Variants in LHFPL2 observed in about 807,000 individuals in gnomAD.
LHFPL2 encodes LHFPL tetraspan subfamily member 2, also known as LHFPL tetraspan subfamily member 2 protein.
Under a neutral mutation model 17.5 loss-of-function variants are expected in LHFPL2, and 7 were observed. The ratio of observed to expected loss-of-function variants is 0.40; its 90% CI spans 0.23 to 0.75. LHFPL2 has a LOEUF of 0.75. LHFPL2 is among the 30% of genes least tolerant of loss of function. The pLI, the probability that LHFPL2 is intolerant of heterozygous loss-of-function variation, is 0.37. For missense variants in LHFPL2, 241 were observed against 294.8 expected, an observed-to-expected ratio of 0.82 and a Z score of 1.34; for synonymous variants, 134 against 116.2, an observed-to-expected ratio of 1.15 and a Z score of -0.99.
chr5:78,637,977 C>T (rs1210333669), intron 1 of LHFPL2, among the ~76,000 whole-genome samples: 2 of 152,156 alleles, frequency 1.3e-5, no homozygotes, highest in East Asian at 3.9e-4. Flanking sequence ...CTTGTCAGTG[C>T]TGGTTTGTCT....
rs117998539 is a variant in LHFPL2, at chr5:78,523,656, T to C, written c.-185-13258A>G. Among the ~76,000 whole-genome samples the C allele has an allele frequency of 1.6e-3, 242 of 152,282 alleles. 2 individuals are homozygous for C. Among genetic ancestry groups the C allele is most frequent in the Middle Eastern group, 6.8e-3 (2 of 294 alleles). ...GGCCCACAGGGGCCAGTGGACGTCA[T>C]TGACAGTCACAGCCTGAGAAACAAA... is the stretch of plus-strand genomic sequence containing the variant. On this transcript the variant is annotated intron_variant, in intron 3 of 4. Transcript: ENST00000380345.
intron 2 of LHFPL2, among the ~76,000 whole-genome samples, chr5:78,582,540 T>A (rs1274620421): frequency 6.6e-6 from 1 of 151,748 alleles, no homozygotes; most frequent in Non-Finnish European, 1.5e-5. Flanking sequence ...CATTTCGTTA[T>A]GTACCCAGTA....
At position 78,550,760 on chromosome 5, in the gene LHFPL2, G is replaced by A. The variant is rs868788274; in HGVS notation, c.-186+14053C>T. 5.3e-5 allele frequency among the ~76,000 whole-genome samples: 8 copies of A among 152,088 alleles called. 1 individual carries two copies. The South Asian group carries it at 1.2e-3, about 24-fold the overall frequency. On this transcript the variant is annotated intron_variant, in intron 3 of 4. Coordinates refer to ENST00000380345, the MANE Select transcript of LHFPL2 (RefSeq NM_005779.3). Reference sequence around the variant, plus strand: ...TAATTTTTGTATTTTTGGTAGACACGAGGTTTTGCCATGTTGGCCAGGCTG... The same window carrying A: ...TAATTTTTGTATTTTTGGTAGACACAAGGTTTTGCCATGTTGGCCAGGCTG...
rs1757119638 is a variant in LHFPL2, at chr5:78,575,926, C to T, written c.-244-11055G>A. 2.6e-5 allele frequency among the ~76,000 whole-genome samples: 4 copies of T among 152,320 alleles called. No individual in the cohort carries two copies. The South Asian group carries it at 6.2e-4, about 24-fold the overall frequency. Reference sequence around the variant, plus strand: ...CTTTCTTTTTGGAGACAGGGTCTTGCTCTGTCACCTATGCTGGAGCGCAGT... The same window carrying T: ...CTTTCTTTTTGGAGACAGGGTCTTGTTCTGTCACCTATGCTGGAGCGCAGT... On this transcript the variant is annotated intron_variant, in intron 2 of 4. Coordinates refer to ENST00000380345, the MANE Select transcript of LHFPL2 (RefSeq NM_005779.3).
chr5:78,644,043 CAG>C (rs1280727312), intron 1 of LHFPL2, among the ~76,000 whole-genome samples: 1 of 152,158 alleles, frequency 6.6e-6, no homozygotes, highest in Non-Finnish European at 1.5e-5. Context: ...GCCTGGGTGA[CAG>C]AGAGAGACTT....
chr5:78,598,714 A>G (rs2112469926), intron 2 of LHFPL2, among the ~76,000 whole-genome samples: 1 of 152,308 alleles, frequency 6.6e-6, no homozygotes, highest in African/African-American at 2.4e-5. Context: ...CCAACAAAAT[A>G]GATCTCATGT....
At chr5:78,520,625 G>A (rs1480094316) in intron 3 of LHFPL2, among the ~76,000 whole-genome samples, 1 of 152,238 alleles carries the variant, frequency 6.6e-6, no homozygotes, top group Non-Finnish European at 1.5e-5. Flanking sequence ...GGCTGATGGA[G>A]AGCTGAGCAG....
chr5:78,620,512 C>T (rs549763320), intron 2 of LHFPL2, among the ~76,000 whole-genome samples: 1 of 152,274 alleles, frequency 6.6e-6, no homozygotes, highest in African/African-American at 2.4e-5. Flanking sequence ...AAAGCACCTC[C>T]CATCAGTCTC....
intron 3 of LHFPL2, among the ~76,000 whole-genome samples, chr5:78,522,525 CTTGT>C (rs1275826576): frequency 2.0e-5 from 3 of 152,206 alleles, no homozygotes; most frequent in Non-Finnish European, 4.4e-5. Flanking sequence ...TTTGCTGACA[CTTGT>C]TTATCACTGT....
intron 2 of LHFPL2, among the ~76,000 whole-genome samples, chr5:78,577,016 CTCTG>C (rs2112435171): frequency 3.3e-5 from 5 of 152,320 alleles, no homozygotes; most frequent in African/African-American, 1.2e-4. Context: ...GTCCAGTCAG[CTCTG>C]TCTATGCCAA....
At chr5:78,529,974 A>C (rs1301435031) in intron 3 of LHFPL2, among the ~76,000 whole-genome samples, 1 of 152,226 alleles carries the variant, frequency 6.6e-6, no homozygotes, top group Non-Finnish European at 1.5e-5. Context: ...ATCTACCTGC[A>C]AGACCAAATT....
chr5:78,508,665 G>A (rs1257041190), intron 4 of LHFPL2, among the ~76,000 whole-genome samples: 3 of 152,216 alleles, frequency 2.0e-5, no homozygotes, highest in African/African-American at 7.2e-5. Flanking sequence ...TTTGGGGGCT[G>A]CTGCTTTACA....
In LHFPL2 at chr5:78,489,018, A is replaced by G. The variant is rs777608124; in HGVS notation, c.566T>C (p.Ile189Thr). 1.9e-5 allele frequency: 31 copies of G among 1,614,102 alleles called. No individual in the cohort carries two copies. Among genetic ancestry groups the G allele is most frequent in the South Asian group, 3.3e-5 (3 of 91,090 alleles). The stretch of plus-strand genomic sequence containing the variant: ...GATGAAAGTGAGGACTGTGCCCCCA[A>G]TGGCGGTATAAAAGGCCCAGCCCAA... ...CSLGWAFYTA[I>T]GGTVLTFICA... Residue 189 changes from isoleucine (I) to threonine (T), a missense_variant, in exon 5 of 5, where the codon ATT becomes ACT. Ile to Thr is a moderately conservative substitution (Grantham distance 89, BLOSUM62 -1). Transcript: ENST00000380345.
rs189329376 is a variant in LHFPL2, at chr5:78,635,588, G to T, written c.-349-3220C>A. Among the ~76,000 whole-genome samples, 531 of 152,332 alleles carry T rather than the reference G, an allele frequency of 3.5e-3. 1 individual carries two copies. The highest frequency in any genetic ancestry group is 0.014 in the Middle Eastern group (4 of 294). ...GAGGCCCAGGCGGGCGGACCACGAG[G>T]TCAGGAGATCGAGACCATCCTGGCT... On this transcript the variant is annotated intron_variant, in intron 1 of 4. Transcript: ENST00000380345.
chr5:78,485,974 G>GAAAC lies in LHFPL2; in HGVS notation c.*2919_*2922dup, dbSNP rs900043518. 2.0e-5 allele frequency: 3 copies of GAAAC among 152,500 alleles called. No homozygotes were observed. The highest frequency in any genetic ancestry group is 2.9e-5 in the Non-Finnish European group (2 of 67,988). The allele number at this position is 152,500 out of a possible 1,614,324, so 9.4% of individuals were successfully genotyped here. A position where few individuals can be genotyped will look rare whatever the true frequency, so the allele number is the denominator to read the frequency against. On this transcript the variant is annotated 3_prime_UTR_variant, in exon 5 of 5. Coordinates refer to ENST00000380345, the MANE Select transcript of LHFPL2 (RefSeq NM_005779.3). ...ATGTGGAACTCTCCTTGCCAAAACAGAAACAAACATCCCTGTTTTGACTCC... is the reference window on the plus strand; with the variant it reads ...ATGTGGAACTCTCCTTGCCAAAACAGAAACAAACAAACATCCCTGTTTTGACTCC...
At chr5:78,574,993 A>C (rs1468335216) in intron 2 of LHFPL2, among the ~76,000 whole-genome samples, 1 of 152,150 alleles carries the variant, frequency 6.6e-6, no homozygotes, top group Non-Finnish European at 1.5e-5. Context: ...TCATAAAAGA[A>C]TCGAGAGACG....
intron 3 of LHFPL2, among the ~76,000 whole-genome samples, chr5:78,551,411 T>C (rs1230702448): frequency 1.3e-5 from 2 of 152,044 alleles, no homozygotes; most frequent in Non-Finnish European, 2.9e-5. Flanking sequence ...ACTTGGTGAG[T>C]TGGTAATTGG....
At position 78,488,873 on chromosome 5, in the gene LHFPL2, G is replaced by GA. The variant is rs1754341177; in HGVS notation, c.*23dup. The GA allele has an allele frequency of 1.9e-6, 3 of 1,610,880 alleles. No individual in the cohort carries two copies. Among genetic ancestry groups the GA allele is most frequent in the Admixed American group, 3.3e-5 (2 of 59,954 alleles). On this transcript the variant is annotated 3_prime_UTR_variant, in exon 5 of 5. Coordinates refer to ENST00000380345, the MANE Select transcript of LHFPL2 (RefSeq NM_005779.3). ...CTGTTTCACAAGATTACTCAAGGGA[G>GA]AAAATGGCATTGTCTCTTCCAAACT...
chr5:78,601,847 G>A (rs1345430036), intron 2 of LHFPL2, among the ~76,000 whole-genome samples: 1 of 152,150 alleles, frequency 6.6e-6, no homozygotes, highest in Admixed American at 6.5e-5. Context: ...TGTTCATCCT[G>A]CACTGGAAAC....
Sources: allele counts gnomAD v4.1 joint callset (sites outside exome capture counted in the v4.1 genomes callset), GRCh38; gene constraint gnomAD v4.1.1; transcripts MANE v1.5; gene names NCBI Gene and HGNC (gene_info 2026-07-23, HGNC 2026-07-21).